The following DGLUCY variants were observed in gnomAD, a reference collection of about 807,000 sequenced individuals.
DGLUCY encodes the protein D-glutamate cyclase, also known as D-glutamate cyclase, mitochondrial.
A neutral mutation model predicts 58.5 loss-of-function variants in DGLUCY; 58 were observed. The ratio of observed to expected loss-of-function variants is 0.99; its 90% CI spans 0.80 to 1.23. The LOEUF is 1.23. Among genes scored for constraint, DGLUCY ranks in the 50% most tolerant of loss-of-function variants. The pLI is 0.00. For missense variants in DGLUCY, 779 were observed against 784.7 expected, an observed-to-expected ratio of 0.99 and a Z score of 0.09; for synonymous variants, 325 against 314.1, an observed-to-expected ratio of 1.03 and a Z score of -0.37.
intron 1 of DGLUCY, among the ~76,000 whole-genome samples, chr14:91,130,454 C>T (rs1273559800): frequency 6.6e-6 from 1 of 151,840 alleles, no homozygotes; most frequent in Non-Finnish European, 1.5e-5. Flanking sequence ...ACTACAGGCA[C>T]AAGCCGCCAT....
intron 1 of DGLUCY, among the ~76,000 whole-genome samples, chr14:91,064,639 A>AAAAAG (rs1418080508): frequency 2.3e-4 from 34 of 150,850 alleles, no homozygotes; most frequent in Middle Eastern, 3.4e-3. Context: ...AAAAAAAAAA[A>AAAAAG]AAAAGAAAAG....
chr14:91,169,193 G>T (rs773284951), intron 4 of DGLUCY, among the ~76,000 whole-genome samples: 10 of 152,236 alleles, frequency 6.6e-5, no homozygotes, highest in Non-Finnish European at 1.5e-4. Context: ...CGGCATGAAG[G>T]CATGGCTCAG....
At chr14:91,071,061 G>T (rs961101128) in intron 1 of DGLUCY, among the ~76,000 whole-genome samples, 2 of 152,030 alleles carry the variant, frequency 1.3e-5, no homozygotes, top group African/African-American at 4.8e-5. Flanking sequence ...GACCAGGTGT[G>T]GTGGCTCACA....
chr14:91,094,225 A>G (rs2140070760), intron 1 of DGLUCY, among the ~76,000 whole-genome samples: 1 of 151,814 alleles, frequency 6.6e-6, no homozygotes, highest in African/African-American at 2.4e-5. Flanking sequence ...TCATGAGGTC[A>G]GGAGTTCGAG....
At chr14:91,159,964 A>G (rs1207718761) in intron 2 of DGLUCY, among the ~76,000 whole-genome samples, 2 of 152,202 alleles carry the variant, frequency 1.3e-5, no homozygotes, top group Non-Finnish European at 2.9e-5. Flanking sequence ...CAAGGAGCCC[A>G]GCACCAGCCT....
At chr14:91,191,599 C>T (rs1018805085) in intron 9 of DGLUCY, among the ~76,000 whole-genome samples, 2 of 152,138 alleles carry the variant, frequency 1.3e-5, no homozygotes, top group East Asian at 3.9e-4. Flanking sequence ...CCACATGCTT[C>T]GTGGCACCAT....
chr14:91,193,847 A>G (rs1291359068), intron 9 of DGLUCY, among the ~76,000 whole-genome samples: 1 of 151,438 alleles, frequency 6.6e-6, no homozygotes, highest in Non-Finnish European at 1.5e-5. Context: ...ATCTTAGAAA[A>G]AAAAAAAAAA....
At chr14:91,152,093 A>G (rs1188677026) in intron 1 of DGLUCY, among the ~76,000 whole-genome samples, 1 of 152,158 alleles carries the variant, frequency 6.6e-6, no homozygotes, top group Non-Finnish European at 1.5e-5. Context: ...TTTCATTGAA[A>G]ATATTTGTTT....
At chr14:91,129,306 C>T (rs2045897654) in intron 1 of DGLUCY, among the ~76,000 whole-genome samples, 1 of 152,152 alleles carries the variant, frequency 6.6e-6, no homozygotes, top group Non-Finnish European at 1.5e-5. Context: ...GTCATGTGCT[C>T]TCCTGTCTCT....
rs146611491 is a variant in DGLUCY at position 91,167,376 on chromosome 14, C to T, written c.255C>T (p.Thr85=). The T allele has an allele frequency of 5.6e-6, 9 of 1,614,138 alleles. No individual in the cohort carries two copies. Among genetic ancestry groups the T allele is most frequent in the Non-Finnish European group, 7.6e-6 (9 of 1,180,032 alleles). ...MLPPQGAISE[T]RMGHPQFWKY... The stretch of plus-strand genomic sequence containing the variant: ...CCCCTCAAGGTGCTATCTCAGAGAC[C>T]AGGTAAAAAGCTTGGGTTACTGTGG... The change falls in exon 4 of 14, where the codon ACC becomes ACT. Residue 85 remains threonine, a splice_region_variant and synonymous_variant. Transcript: ENST00000256324.
chr14:91,210,811 A>T (rs907719789), intron 12 of DGLUCY, among the ~76,000 whole-genome samples: 1 of 152,236 alleles, frequency 6.6e-6, no homozygotes, highest in South Asian at 2.1e-4. Context: ...GAAAAAGGCA[A>T]TGATGTTCCC....
At chr14:91,139,882 C>A (rs946765528) in intron 1 of DGLUCY, among the ~76,000 whole-genome samples, 1 of 152,102 alleles carries the variant, frequency 6.6e-6, no homozygotes, top group African/African-American at 2.4e-5. Context: ...TTGAGGACTT[C>A]AGGATTTAAA....
At chr14:91,121,641 A>C (rs1220541712) in intron 1 of DGLUCY, among the ~76,000 whole-genome samples, 3 of 146,188 alleles carry the variant, frequency 2.1e-5, no homozygotes, top group Non-Finnish European at 4.6e-5. Context: ...AATAATAATA[A>C]TAATAATAAT....
chr14:91,082,035 G>T (rs1204557955), intron 1 of DGLUCY, among the ~76,000 whole-genome samples: 1 of 152,074 alleles, frequency 6.6e-6, no homozygotes, highest in Non-Finnish European at 1.5e-5. Flanking sequence ...CCACCTCAAG[G>T]TCCTCAATTT....
rs1311844377 is a variant in DGLUCY at position 91,181,273 on chromosome 14, C to T, written c.818C>T (p.Pro273Leu). ...DAKAPPGCLTPERIPEVHHIS... is the reference protein window; with the variant it reads ...DAKAPPGCLTLERIPEVHHIS... ...AAGGCTCCACCTGGTTGTCTCACCCCAGAGAGAATTCCAGAGGTCCATCAC... is the reference window on the plus strand; with the variant it reads ...AAGGCTCCACCTGGTTGTCTCACCCTAGAGAGAATTCCAGAGGTCCATCAC... The change falls in exon 8 of 14, where the codon CCA becomes CTA. Residue 273 changes from proline (P) to leucine (L), a missense_variant. Physicochemically the swap from Pro to Leu is moderately conservative, Grantham distance 98. Transcript: ENST00000256324. 6.2e-7 allele frequency: 1 copy of T among 1,614,152 alleles called. No individual in the cohort carries two copies.
chr14:91,182,949 T>G (rs1334366016), intron 8 of DGLUCY, among the ~76,000 whole-genome samples: 1 of 150,384 alleles, frequency 6.6e-6, no homozygotes, highest in Non-Finnish European at 1.5e-5. Context: ...TTTTATATTT[T>G]TATTTATTTT....
chr14:91,151,307 T>C (rs2047324260), intron 1 of DGLUCY, among the ~76,000 whole-genome samples: 1 of 152,184 alleles, frequency 6.6e-6, no homozygotes, highest in Non-Finnish European at 1.5e-5. Context: ...TGGCGTGATC[T>C]CGGCTCACTG....
At chr14:91,104,931 T>C (rs1437926840), upstream of DGLUCY, among the ~76,000 whole-genome samples, 1 of 152,236 alleles carries the variant, frequency 6.6e-6, no homozygotes, top group African/African-American at 2.4e-5. Context: ...AGAGTTGTGA[T>C]AACTGAATGA....
intron 13 of DGLUCY, 71 bp downstream of exon 13, chr14:91,215,627 C>CA: frequency 1.3e-6 from 2 of 1,590,402 alleles, no homozygotes; most frequent in Admixed American, 1.8e-5. Context: ...CCTGAGGTCC[C>CA]AAGCCGTAAG....
Sources: gnomAD v4.1 joint callset for allele counts (sites outside exome capture counted in the v4.1 genomes callset) on GRCh38, gnomAD v4.1.1 for gene constraint, MANE v1.5 for transcripts, NCBI Gene and HGNC (gene_info 2026-07-23, HGNC 2026-07-21) for gene names.